Variants in CDH13 observed in about 807,000 individuals in gnomAD.
CDH13 encodes cadherin 13.
A neutral mutation model predicts 63.8 loss-of-function variants in CDH13; 24 were observed. The observed-to-expected ratio is 0.38, with a 90% CI of 0.27 to 0.53. The LOEUF (loss-of-function observed/expected upper bound fraction) is 0.53. Ranked by LOEUF, CDH13 falls within the 20% of genes least tolerant of loss-of-function variation. CDH13 has a pLI of 0.85. For synonymous variants in CDH13, 503 were observed against 355.3 expected, an observed-to-expected ratio of 1.42 and a Z score of -4.67; for missense variants, 1,049 against 903.1, an observed-to-expected ratio of 1.16 and a Z score of -2.07.
intron 1 of CDH13, among the ~76,000 whole-genome samples, chr16:82,788,332 C>A (rs1484013772): frequency 6.6e-6 from 1 of 152,186 alleles, no homozygotes; most frequent in African/African-American, 2.4e-5. Context: ...GCCTGTACCT[C>A]CAGCAGGTGC....
chr16:83,186,140 AT>A (rs1258865919), intron 4 of CDH13, among the ~76,000 whole-genome samples: 1 of 127,720 alleles, frequency 7.8e-6, no homozygotes, highest in African/African-American at 3.0e-5. Flanking sequence ...ATTTTATTTT[AT>A]TTTATTTTAT....
chr16:83,289,045 C>A (rs1167167005), intron 5 of CDH13, among the ~76,000 whole-genome samples: 1 of 152,198 alleles, frequency 6.6e-6, no homozygotes, highest in Non-Finnish European at 1.5e-5. Context: ...AAATGTGAAA[C>A]TCCTACATTC....
intron 5 of CDH13, among the ~76,000 whole-genome samples, chr16:83,228,089 T>G (rs927763705): frequency 9.2e-5 from 14 of 152,156 alleles, no homozygotes; most frequent in African/African-American, 3.4e-4. Context: ...GGAGGCCAGA[T>G]GGAAAGTCTC....
intron 8 of CDH13, among the ~76,000 whole-genome samples, chr16:83,668,920 C>G (rs1416400654): frequency 6.6e-6 from 1 of 152,236 alleles, no homozygotes; most frequent in Admixed American, 6.5e-5. Context: ...CCTGTCCACA[C>G]CAGGCTCAGG....
chr16:82,905,973 TCTGA>T (rs1217029931), intron 2 of CDH13, among the ~76,000 whole-genome samples: 3 of 152,160 alleles, frequency 2.0e-5, no homozygotes, highest in Non-Finnish European at 4.4e-5. Flanking sequence ...TAGGATATAC[TCTGA>T]CTTTGAAAAA....
chr16:83,524,722 G>C (rs1009039761), intron 7 of CDH13, among the ~76,000 whole-genome samples: 1 of 152,080 alleles, frequency 6.6e-6, no homozygotes, highest in Non-Finnish European at 1.5e-5. Context: ...AAAGTGCTGG[G>C]ATTACAGGTG....
intron 2 of CDH13, among the ~76,000 whole-genome samples, chr16:82,887,067 C>T (rs1179647520): frequency 1.3e-5 from 2 of 152,128 alleles, no homozygotes; most frequent in Admixed American, 1.3e-4. Flanking sequence ...CCCTAGAAGC[C>T]TCCTTTTAAA....
At chr16:82,946,274 G>A (rs569147987) in intron 2 of CDH13, among the ~76,000 whole-genome samples, 11 of 152,090 alleles carry the variant, frequency 7.2e-5, no homozygotes, top group African/African-American at 2.4e-4. Flanking sequence ...GGGAGGGAAG[G>A]GTGGAAGGAT....
intron 1 of CDH13, among the ~76,000 whole-genome samples, chr16:82,821,496 C>T (rs962418612): frequency 7.9e-5 from 12 of 152,168 alleles, no homozygotes; most frequent in Admixed American, 6.5e-4. Context: ...CTGCCCTATC[C>T]ACATTCCTTC....
chr16:82,849,363 G>A (rs1242234501), intron 1 of CDH13, among the ~76,000 whole-genome samples: 1 of 152,116 alleles, frequency 6.6e-6, no homozygotes, highest in Non-Finnish European at 1.5e-5. Flanking sequence ...TTAGCTGGGT[G>A]TGGTGGCACG....
intron 5 of CDH13, among the ~76,000 whole-genome samples, chr16:83,274,023 T>C (rs2088906687): frequency 6.6e-6 from 1 of 152,176 alleles, no homozygotes; most frequent in African/African-American, 2.4e-5. Context: ...CTCCACCACT[T>C]ACCTGGGGTT....
intron 1 of CDH13, among the ~76,000 whole-genome samples, chr16:82,752,183 C>T (rs559242449): frequency 6.6e-6 from 1 of 152,208 alleles, no homozygotes; most frequent in South Asian, 2.1e-4. Flanking sequence ...ACCAAATTCT[C>T]TTCTCATTAT....
At chr16:83,216,659 AGGGG>A (rs1439369889) in intron 4 of CDH13, among the ~76,000 whole-genome samples, 1 of 145,228 alleles carries the variant, frequency 6.9e-6, no homozygotes, top group African/African-American at 2.5e-5. Context: ...TATCATATTT[AGGGG>A]TTTCACATAT....
chr16:82,952,208 G>T (rs752771179), intron 2 of CDH13, among the ~76,000 whole-genome samples: 3 of 152,176 alleles, frequency 2.0e-5, no homozygotes, highest in Non-Finnish European at 4.4e-5. Context: ...GGTGCTGCCC[G>T]AGAAGCGCAT....
chr16:82,706,674 G>A (rs552010026), intron 1 of CDH13, among the ~76,000 whole-genome samples: 4 of 151,744 alleles, frequency 2.6e-5, no homozygotes, highest in Admixed American at 2.6e-4. Flanking sequence ...TGTGGTGGTG[G>A]GTGCCTGTAA....
chr16:82,948,786 C>T (rs1392380653), intron 2 of CDH13, among the ~76,000 whole-genome samples: 1 of 152,134 alleles, frequency 6.6e-6, no homozygotes, highest in Non-Finnish European at 1.5e-5. Flanking sequence ...TACCATATAA[C>T]TAATCTTCCT....
intron 8 of CDH13, among the ~76,000 whole-genome samples, chr16:83,646,828 C>CCTG (rs1490196537): frequency 6.6e-6 from 1 of 151,780 alleles, no homozygotes; most frequent in East Asian, 1.9e-4. Context: ...AGCCATGAGA[C>CCTG]CTGGTCTGAT....
chr16:83,582,624 C>G (rs897548255), intron 7 of CDH13, among the ~76,000 whole-genome samples: 3 of 152,156 alleles, frequency 2.0e-5, no homozygotes. Context: ...GTGGCCAGGT[C>G]TCTCAGGAGT....
At chr16:83,162,323 G>T (rs2151713008) in intron 4 of CDH13, among the ~76,000 whole-genome samples, 1 of 152,150 alleles carries the variant, frequency 6.6e-6, no homozygotes, top group South Asian at 2.1e-4. Context: ...CTTTCATGAT[G>T]ATGAAAGCAT....
Sources: gnomAD v4.1 joint callset for allele counts (sites outside exome capture counted in the v4.1 genomes callset) on GRCh38, gnomAD v4.1.1 for gene constraint, MANE v1.5 for transcripts, NCBI Gene and HGNC (gene_info 2026-07-23, HGNC 2026-07-21) for gene names.